ADGRL3: variants seen among roughly 807,000 people sequenced by gnomAD.
ADGRL3 encodes adhesion G protein-coupled receptor L3.
ADGRL3 carries 62 observed loss-of-function variants against 153.5 expected under a neutral mutation model. That is an observed-to-expected ratio of 0.40 (90% CI 0.33 to 0.50). ADGRL3 has a LOEUF of 0.50. ADGRL3 is among the 20% of genes least tolerant of loss of function. The pLI is 0.47. For missense variants in ADGRL3, 1,641 were observed against 1,859.4 expected (o/e 0.88, Z 2.16); for synonymous variants, 710 against 672.5 (o/e 1.06, Z -0.86).
At chr4:61,338,221 A>C (rs1218671881) in intron 1 of ADGRL3, among the ~76,000 whole-genome samples, 1 of 151,648 alleles carries the variant, frequency 6.6e-6, no homozygotes, top group Non-Finnish European at 1.5e-5. Flanking sequence ...TAGTGAGCTG[A>C]GATTATGCCA....
In ADGRL3 at chr4:61,553,545, G is replaced by A. The variant is rs531406116; in HGVS notation, c.260-33682G>A. Among the ~76,000 whole-genome samples the A allele has an allele frequency of 2.1e-4, 32 of 152,160 alleles. No homozygotes were observed. The South Asian group carries it at 6.6e-3, about 32-fold the overall frequency. On this transcript the variant is annotated intron_variant, in intron 4 of 26. Coordinates refer to ENST00000683033, the MANE Select transcript of ADGRL3 (RefSeq NM_001387552.1). ...AATAGATTCAGCCTCCAAGTTATGA[G>A]CCATTATTTATTTTTATTTTACCCA...
intron 9 of ADGRL3, among the ~76,000 whole-genome samples, chr4:61,843,779 A>G (rs748087327): frequency 1.6e-4 from 24 of 152,182 alleles, no homozygotes; most frequent in Admixed American, 6.5e-4. Flanking sequence ...TGGGAAGCCA[A>G]GGCAGGAGGA....
intron 11 of ADGRL3, among the ~76,000 whole-genome samples, chr4:61,896,924 A>G (rs1170248110): frequency 4.6e-5 from 7 of 152,190 alleles, no homozygotes; most frequent in Non-Finnish European, 8.8e-5. Flanking sequence ...CTTTAAAAAC[A>G]GTCCCTAGAT....
At chr4:61,417,885 A>G (rs2097161759) in intron 2 of ADGRL3, among the ~76,000 whole-genome samples, 1 of 152,100 alleles carries the variant, frequency 6.6e-6, no homozygotes, top group African/African-American at 2.4e-5. Context: ...TAGTAGAGCA[A>G]TGAAGGCCTT....
intron 1 of ADGRL3, among the ~76,000 whole-genome samples, chr4:61,372,053 G>C (rs1173214430): frequency 1.3e-5 from 2 of 152,042 alleles, no homozygotes; most frequent in African/African-American, 4.8e-5. Flanking sequence ...TCTTCACGTA[G>C]TTCTCGAGCC....
At chr4:61,806,443 T>A (rs2148509249) in intron 8 of ADGRL3, among the ~76,000 whole-genome samples, 1 of 151,896 alleles carries the variant, frequency 6.6e-6, no homozygotes, top group African/African-American at 2.4e-5. Context: ...TGCACATACT[T>A]GCTAATATAA....
chr4:61,257,230 C>T (rs1470510047), intron 1 of ADGRL3, among the ~76,000 whole-genome samples: 2 of 152,098 alleles, frequency 1.3e-5, no homozygotes, highest in African/African-American at 4.8e-5. Context: ...GACACATTTG[C>T]CCTCCTATGA....
At chr4:61,226,842 G>A (rs905953926) in intron 1 of ADGRL3, among the ~76,000 whole-genome samples, 15 of 151,914 alleles carry the variant, frequency 9.9e-5, no homozygotes, top group Non-Finnish European at 1.6e-4. Flanking sequence ...CCAACCCTTT[G>A]CTACTATCCC....
At chr4:61,305,670 G>T (rs1409691653) in intron 1 of ADGRL3, among the ~76,000 whole-genome samples, 1 of 152,058 alleles carries the variant, frequency 6.6e-6, no homozygotes, top group African/African-American at 2.4e-5. Flanking sequence ...TTCCCTGTTT[G>T]GTGTTGTGAA....
At chr4:61,655,363 A>T (rs773482535) in intron 5 of ADGRL3, among the ~76,000 whole-genome samples, 1 of 152,202 alleles carries the variant, frequency 6.6e-6, no homozygotes, top group Admixed American at 6.5e-5. Flanking sequence ...AAAATTATAC[A>T]TTCAAAAAGC....
intron 8 of ADGRL3, among the ~76,000 whole-genome samples, chr4:61,806,862 G>A (rs778375426): frequency 6.6e-5 from 10 of 152,024 alleles, no homozygotes; most frequent in Non-Finnish European, 1.3e-4. Context: ...AGAATTGGGA[G>A]TATAAATGTG....
chr4:61,261,276 C>T (rs2092496175), intron 1 of ADGRL3, among the ~76,000 whole-genome samples: 3 of 150,856 alleles, frequency 2.0e-5, no homozygotes, highest in Admixed American at 6.6e-5. Context: ...AAGAGATCCT[C>T]CTGCTTCAGC....
intron 8 of ADGRL3, among the ~76,000 whole-genome samples, chr4:61,744,179 C>G (rs538450353): frequency 6.6e-6 from 1 of 152,184 alleles, no homozygotes. Flanking sequence ...CACCATTGCC[C>G]AGGCTAGCTT....
At chr4:62,020,816 A>G (rs145959590) in intron 21 of ADGRL3, among the ~76,000 whole-genome samples, 6 of 152,092 alleles carry the variant, frequency 3.9e-5, no homozygotes, top group Non-Finnish European at 8.8e-5. Flanking sequence ...CACTAAGGAT[A>G]TAATATGAGT....
chr4:61,961,664 G>GA (rs143559874), intron 17 of ADGRL3, among the ~76,000 whole-genome samples: 5,683 of 151,864 alleles, frequency 0.037, 225 homozygotes, highest in East Asian at 0.19. Flanking sequence ...GTGCAGGGAG[G>GA]AAAAAAAGAA....
chr4:61,673,929 C>T (rs866894643), intron 5 of ADGRL3, among the ~76,000 whole-genome samples: 1 of 150,962 alleles, frequency 6.6e-6, no homozygotes, highest in South Asian at 2.1e-4. Context: ...ATAGGCATAA[C>T]ATTTTTTGTT....
At chr4:61,595,432 C>T (rs937996940) in intron 5 of ADGRL3, among the ~76,000 whole-genome samples, 2 of 151,986 alleles carry the variant, frequency 1.3e-5, no homozygotes, top group African/African-American at 4.8e-5. Flanking sequence ...CTTCTTGATC[C>T]AGGATGTGTT....
intron 9 of ADGRL3, among the ~76,000 whole-genome samples, chr4:61,856,985 T>TTTCC (rs2098278568): frequency 1.5e-5 from 2 of 133,594 alleles, no homozygotes; most frequent in Middle Eastern, 3.6e-3. Context: ...TCTTTCTTTC[T>TTTCC]TTCTTTCTTT....
intron 5 of ADGRL3, among the ~76,000 whole-genome samples, chr4:61,662,266 A>T (rs747124960): frequency 3.3e-5 from 5 of 152,210 alleles, no homozygotes; most frequent in Non-Finnish European, 1.5e-5. Flanking sequence ...CCTCCCAGGC[A>T]CAGCTGTAGC....
Sources: gnomAD v4.1 joint callset for allele counts (sites outside exome capture counted in the v4.1 genomes callset) on GRCh38, gnomAD v4.1.1 for gene constraint, MANE v1.5 for transcripts, NCBI Gene and HGNC (gene_info 2026-07-23, HGNC 2026-07-21) for gene names.